Variants in CD247 observed in about 807,000 individuals in gnomAD.
The protein encoded by CD247 is CD247 molecule.
Under a neutral mutation model 30.0 loss-of-function variants are expected in CD247, and 13 were observed. The observed-to-expected ratio is 0.43, with a 90% CI of 0.28 to 0.69. The LOEUF (loss-of-function observed/expected upper bound fraction) is 0.69. Among genes scored for constraint, CD247 ranks in the 30% least tolerant of loss-of-function variants. CD247 has a pLI of 0.16. For missense variants in CD247, 193 were observed against 212.6 expected (o/e 0.91, Z 0.57); for synonymous variants, 72 against 80.0 (o/e 0.90, Z 0.53).
chr1:167,438,507 C>A (rs1468246526), intron 4 of CD247, 63 bp downstream of exon 4: 3 of 1,339,044 alleles, frequency 2.2e-6, no homozygotes, highest in South Asian at 1.2e-5. Context: ...AGCCCTCCCC[C>A]ACAGCCTGGG....
chr1:167,478,929 C>T (rs568840592), intron 1 of CD247, among the ~76,000 whole-genome samples: 1 of 152,262 alleles, frequency 6.6e-6, no homozygotes, highest in African/African-American at 2.4e-5. Context: ...AATTTCTGAA[C>T]AGTTGGATTA....
rs1651360512 is a variant in CD247, at chr1:167,433,171, TC to T, written c.394-113del. 4 of 1,037,568 alleles carry T rather than the reference TC, an allele frequency of 3.9e-6. No homozygotes were observed. The African/African-American group carries it at 4.7e-5, about 12-fold the overall frequency. 64.3% of individuals were successfully genotyped at this position (1,037,568 alleles called of 1,614,324 possible). A position where few individuals can be genotyped will look rare whatever the true frequency, so the allele number is the denominator to read the frequency against. On this transcript the variant is annotated intron_variant, in intron 6 of 7. Transcript: ENST00000362089. ...ACCCAGGAAGTCAGAGGTAACTGTC[TC>T]CCAGCAGCACCCCTGCCCCTGGGAG...
chr1:167,449,072 A>G lies in CD247; in HGVS notation c.59-8305T>C, dbSNP rs1558000380. On this transcript the variant is annotated intron_variant, in intron 1 of 7. Coordinates refer to ENST00000362089, the MANE Select transcript of CD247 (RefSeq NM_198053.3). ...TCTTAGGGGTAGCGCTTTATGAGCA[A>G]ATGTTTCTCTTCTTGTATTTTTATT... Among the ~76,000 whole-genome samples, 5 of 151,860 alleles carry G rather than the reference A, an allele frequency of 3.3e-5. No individual in the cohort carries two copies. The South Asian group carries it at 1.0e-3, about 32-fold the overall frequency.
intron 1 of CD247, among the ~76,000 whole-genome samples, chr1:167,476,298 A>G (rs939034514): frequency 6.6e-6 from 1 of 152,128 alleles, no homozygotes; most frequent in African/African-American, 2.4e-5. Context: ...AGGCCCAGGG[A>G]TGGCCCACTG....
intron 4 of CD247, among the ~76,000 whole-genome samples, chr1:167,436,379 A>G (rs1426077973): frequency 1.3e-5 from 2 of 152,238 alleles, no homozygotes; most frequent in East Asian, 3.8e-4. Flanking sequence ...GAAAAGCTGA[A>G]GCCTTTCCTC....
intron 1 of CD247, among the ~76,000 whole-genome samples, chr1:167,506,413 T>C (rs942991018): frequency 2.0e-5 from 3 of 150,864 alleles, no homozygotes; most frequent in Admixed American, 6.6e-5. Context: ...AGTAGTATTA[T>C]CACGGCTCAC....
At chr1:167,475,248 C>A (rs991727435) in intron 1 of CD247, among the ~76,000 whole-genome samples, 4 of 152,090 alleles carry the variant, frequency 2.6e-5, no homozygotes, top group Admixed American at 2.6e-4. Context: ...AGCCTCTGTG[C>A]ACCTGTCGCA....
chr1:167,458,671 TTC>T (rs2102025349), intron 1 of CD247: 1 of 112,746 alleles, frequency 8.9e-6, no homozygotes, highest in African/African-American at 3.6e-5. Flanking sequence ...ATCTGTTTTT[TTC>T]TTTCTTTCTT....
chr1:167,440,639 C>A (rs1347452484), intron 2 of CD247, 25 bp downstream of exon 2: 1 of 1,529,282 alleles, frequency 6.5e-7, no homozygotes, highest in Admixed American at 1.7e-5. Context: ...CCCGTGCCCT[C>A]CTCCCAAAGC....
At chr1:167,437,697 GT>G (rs1651614908) in intron 4 of CD247, among the ~76,000 whole-genome samples, 1 of 152,180 alleles carries the variant, frequency 6.6e-6, no homozygotes, top group South Asian at 2.1e-4. Flanking sequence ...GTAGCATGAT[GT>G]TTACCAGAGG....
At chr1:167,499,006 A>T (rs1036360301) in intron 1 of CD247, among the ~76,000 whole-genome samples, 24 of 152,356 alleles carry the variant, frequency 1.6e-4, no homozygotes, top group Non-Finnish European at 5.9e-5. Context: ...CAGTGGATCA[A>T]TTGCCAGTCT....
At chr1:167,439,666 CT>C (rs1651727547) in intron 2 of CD247, 1 of 539,374 alleles carries the variant, frequency 1.9e-6, no homozygotes, top group African/African-American at 1.9e-5. Context: ...TCTTCCCGGG[CT>C]AGCGCCCTCG....
chr1:167,435,519 G>T, intron 4 of CD247, 85 bp from the exon 5 acceptor site: 3 of 1,100,900 alleles, frequency 2.7e-6, no homozygotes, highest in Non-Finnish European at 4.2e-6. Flanking sequence ...CCTGCCCCCT[G>T]ACTGCAGTTT....
chr1:167,438,576 T>TC lies in CD247; in HGVS notation c.293dup (p.Pro100AlafsTer14). 1.9e-6 allele frequency: 3 copies of TC among 1,613,262 alleles called. No homozygotes were observed. The highest frequency in any genetic ancestry group is 1.6e-4 in the Middle Eastern group (1 of 6,062). On this transcript the variant is annotated frameshift_variant, in exon 4 of 8. Coordinates refer to ENST00000362089, the MANE Select transcript of CD247 (RefSeq NM_198053.3). LOFTEE classifies it high-confidence loss of function. Reference sequence around the variant, plus strand: ...AAGGTAGAGGAACCCCTACCGGCTTTCCCCCCATCTCAGGGTCCCGGCCAC... The same window carrying TC: ...AAGGTAGAGGAACCCCTACCGGCTTTCCCCCCCATCTCAGGGTCCCGGCCAC...
At chr1:167,433,259 A>T (rs553076257) in intron 6 of CD247, among the ~76,000 whole-genome samples, 200 bp from the exon 7 acceptor site, 1 of 152,320 alleles carries the variant, frequency 6.6e-6, no homozygotes, top group East Asian at 1.9e-4. Context: ...AGGCCTGGCC[A>T]TGATGGGGCT....
chr1:167,431,803 A>T (rs2101983707), intron 7 of CD247, 57 bp from the exon 8 acceptor site: 1 of 1,489,810 alleles, frequency 6.7e-7, no homozygotes, highest in Non-Finnish European at 9.4e-7. Context: ...TGTGGGCAGG[A>T]GCCAACCCAG....
intron 1 of CD247, among the ~76,000 whole-genome samples, chr1:167,486,399 A>C (rs1654210154): frequency 6.6e-6 from 1 of 152,216 alleles, no homozygotes; most frequent in South Asian, 2.1e-4. Context: ...GAGGGACTGG[A>C]CAATTTCGGA....
intron 1 of CD247, among the ~76,000 whole-genome samples, chr1:167,441,611 G>A (rs1037899088): frequency 1.3e-5 from 2 of 152,014 alleles, no homozygotes; most frequent in Non-Finnish European, 2.9e-5. Flanking sequence ...CTACTATTTG[G>A]TAACATTTGA....
intron 1 of CD247, among the ~76,000 whole-genome samples, chr1:167,502,572 G>A (rs1654957551): frequency 6.6e-6 from 1 of 152,174 alleles, no homozygotes; most frequent in Non-Finnish European, 1.5e-5. Context: ...TAGGTGTTAT[G>A]GGTTGAACTG....
Sources: gnomAD v4.1 joint callset for allele counts (sites outside exome capture counted in the v4.1 genomes callset) on GRCh38, gnomAD v4.1.1 for gene constraint, MANE v1.5 for transcripts, NCBI Gene and HGNC (gene_info 2026-07-23, HGNC 2026-07-21) for gene names.